The following NLRC5 variants were observed in gnomAD, a reference collection of about 807,000 sequenced individuals.
NLRC5 encodes protein NLRC5.
Under a neutral mutation model 206.9 loss-of-function variants are expected in NLRC5, and 114 were observed. The ratio of observed to expected loss-of-function variants is 0.55; its 90% CI spans 0.47 to 0.64. The LOEUF (loss-of-function observed/expected upper bound fraction) is 0.64. Ranked by LOEUF, NLRC5 falls within the 30% of genes least tolerant of loss-of-function variation. The probability of loss-of-function intolerance (pLI) is 0.00; values close to 1 mark genes in which losing one functional copy is unlikely to be tolerated. For synonymous variants in NLRC5, 952 were observed against 962.8 expected, an observed-to-expected ratio of 0.99 and a Z score of 0.21; for missense variants, 2,008 against 2,305.5, an observed-to-expected ratio of 0.87 and a Z score of 2.64.
At chr16:57,075,251 C>T (rs1386572682) in intron 39 of NLRC5, among the ~76,000 whole-genome samples, 2 of 151,958 alleles carry the variant, frequency 1.3e-5, no homozygotes, top group African/African-American at 4.8e-5. Flanking sequence ...CAGAGTTTCG[C>T]TCTTGTTGCC....
At chr16:57,078,953 G>A (rs8056429) in intron 43 of NLRC5, 97 bp from the exon 44 acceptor site, 64,079 of 1,092,652 alleles carry the variant, frequency 0.059, 2,945 homozygotes, top group East Asian at 0.21. Context: ...GCCAGAGACT[G>A]TCTACGGGCT....
intron 19 of NLRC5, among the ~76,000 whole-genome samples, chr16:57,042,799 A>G (rs1345113037): frequency 6.6e-6 from 1 of 152,114 alleles, no homozygotes; most frequent in African/African-American, 2.4e-5. Flanking sequence ...GTTGGTGGCT[A>G]CGATCTCTGA....
chr16:57,010,622 C>A (rs184205450), intron 1 of NLRC5, among the ~76,000 whole-genome samples: 120 of 152,334 alleles, frequency 7.9e-4, no homozygotes, highest in African/African-American at 2.8e-3. Flanking sequence ...ATCCTCCCAC[C>A]TCGGCCTCCC....
intron 20 of NLRC5, 66 bp downstream of exon 20, chr16:57,043,670 G>A (rs1377489425): frequency 1.8e-5 from 23 of 1,295,956 alleles, no homozygotes; most frequent in East Asian, 6.9e-5. Flanking sequence ...CTGCTCCCAC[G>A]TGGGCCCCTT....
chr16:57,016,277 T>G (rs9937672), intron 1 of NLRC5, among the ~76,000 whole-genome samples: 1,705 of 152,322 alleles, frequency 0.011, 27 homozygotes, highest in African/African-American at 0.039. Context: ...CCAGGACCTC[T>G]TCAAAAGATC....
At chr16:57,042,378 T>A (rs2063394997) in intron 19 of NLRC5, among the ~76,000 whole-genome samples, 1 of 151,868 alleles carries the variant, frequency 6.6e-6, no homozygotes, top group Non-Finnish European at 1.5e-5. Flanking sequence ...GGCTGGCAGT[T>A]GTTATTCTGG....
Position 57,026,748 on chromosome 16 carries a change from T to G in NLRC5, c.1805T>G (p.Leu602Trp), listed in dbSNP as rs1170337624. The part of the protein sequence containing the change: ...QAAVVQVLKK[L>W]ATRKLTGPKV... The stretch of plus-strand genomic sequence containing the variant: ...GCTGTAGTGCAGGTGTTGAAGAAGT[T>G]GGCCACCCGCAAGCTCACAGGGCCA... Residue 602 changes from leucine to tryptophan, a missense_variant, in exon 6 of 49, where the codon TTG (leucine) becomes TGG (tryptophan). Leu to Trp is a moderately conservative substitution (Grantham distance 61). Coordinates refer to ENST00000688547, the MANE Select transcript of NLRC5 (RefSeq NM_001384950.1). 6.2e-7 allele frequency: 1 copy of G among 1,613,878 alleles called. No homozygotes were observed. Among genetic ancestry groups the G allele is most frequent in the African/African-American group, 1.3e-5 (1 of 74,922 alleles).
At chr16:57,069,798 G>A (rs761342577) in intron 36 of NLRC5, 38 bp from the exon 37 acceptor site, 25 of 1,555,542 alleles carry the variant, frequency 1.6e-5, no homozygotes, top group South Asian at 9.3e-5. Context: ...GACCCAGGGC[G>A]GCTCCTGCCT....
intron 1 of NLRC5, among the ~76,000 whole-genome samples, chr16:56,996,948 C>T (rs140724657): frequency 1.3e-5 from 2 of 152,300 alleles, no homozygotes; most frequent in East Asian, 1.9e-4. Flanking sequence ...CAGCCCACTG[C>T]AGCCTCAACT....
At position 57,028,062 on chromosome 16, in the gene NLRC5, CT is replaced by C. The variant is rs779142925; in HGVS notation, c.2076-8del. 2.9e-5 allele frequency: 46 copies of C among 1,610,362 alleles called. No homozygotes were observed. The South Asian group carries it at 4.8e-4, about 17-fold the overall frequency. ...CTGATCCTCTGACACTTCGCTTCTTCTTATGGCAGCTTTAAGAGCAGGAAGT... is the reference window on the plus strand; with the variant it reads ...CTGATCCTCTGACACTTCGCTTCTTCTATGGCAGCTTTAAGAGCAGGAAGT... On this transcript the variant is annotated splice_polypyrimidine_tract_variant and intron_variant, in intron 6 of 48. Coordinates refer to ENST00000688547, the MANE Select transcript of NLRC5 (RefSeq NM_001384950.1).
At chr16:57,070,248 G>GGT (rs36048473) in intron 37 of NLRC5, among the ~76,000 whole-genome samples, 91,984 of 149,830 alleles carry the variant, frequency 0.61, 28,218 homozygotes, top group South Asian at 0.7. Context: ...AGAACAAGAG[G>GGT]GTGTGTGTGT....
chr16:57,069,879 G>A lies in NLRC5; in HGVS notation c.4543G>A (p.Ala1515Thr), dbSNP rs1267324243. 2 of 1,597,666 alleles carry A rather than the reference G, an allele frequency of 1.3e-6. No individual in the cohort carries two copies. Among genetic ancestry groups the A allele is most frequent in the Non-Finnish European group, 1.7e-6 (2 of 1,172,922 alleles). ...CVSTEGLAHLASGLGHCHHLE... is the reference protein window; with the variant it reads ...CVSTEGLAHLTSGLGHCHHLE... ...GAGCACCGAGGGCCTCGCCCACCTG[G>A]CATCTGGTCTGGGCCACTGCCACCA... The change falls in exon 37 of 49, where the codon GCA becomes ACA. Residue 1515 changes from alanine (A) to threonine (T), a missense_variant. Coordinates refer to ENST00000688547, the MANE Select transcript of NLRC5 (RefSeq NM_001384950.1).
intron 38 of NLRC5, among the ~76,000 whole-genome samples, chr16:57,073,745 C>A (rs2068044495): frequency 6.6e-6 from 1 of 152,202 alleles, no homozygotes; most frequent in Non-Finnish European, 1.5e-5. Flanking sequence ...AGGCACATGC[C>A]ACCAGGCCCA....
chr16:57,065,317 C>A lies in NLRC5; in HGVS notation c.4241+19C>A, dbSNP rs939018948. 2 of 1,514,150 alleles carry A rather than the reference C, an allele frequency of 1.3e-6. No homozygotes were observed. Among genetic ancestry groups the A allele is most frequent in the African/African-American group, 1.4e-5 (1 of 71,352 alleles). 93.8% of individuals were successfully genotyped at this position (1,514,150 alleles called of 1,614,324 possible). A position where few individuals can be genotyped will look rare whatever the true frequency, so the allele number is the denominator to read the frequency against. Reference sequence around the variant, plus strand: ...AAATCAGGTGAGTCCAGAGAAGAGGCCCCTTTGGAATTCTTCATCTTTCAT... The same window carrying A: ...AAATCAGGTGAGTCCAGAGAAGAGGACCCTTTGGAATTCTTCATCTTTCAT... On this transcript the variant is annotated intron_variant, in intron 33 of 48. Transcript: ENST00000688547.
At position 57,029,994 on chromosome 16, in the gene NLRC5, G is replaced by C; in HGVS notation, c.2328-1G>C. The C allele has an allele frequency of 3.1e-6, 5 of 1,614,188 alleles. No individual in the cohort carries two copies. Among genetic ancestry groups the C allele is most frequent in the Non-Finnish European group, 4.2e-6 (5 of 1,180,012 alleles). On this transcript the variant is annotated splice_acceptor_variant, in intron 9 of 48. Coordinates refer to ENST00000688547, the MANE Select transcript of NLRC5 (RefSeq NM_001384950.1). LOFTEE classifies it high-confidence loss of function. ...CTGACACCTTTGCCACAATCTTGCA[G>C]CCTGAGCAGCAACAGCATCTGCGTG...
chr16:57,013,201 A>C, intron 1 of NLRC5: 1 of 434,134 alleles, frequency 2.3e-6, no homozygotes. Context: ...TAACTTCATT[A>C]AAGGTTGCGA....
Position 57,026,681 on chromosome 16 carries a change from C to G in NLRC5, c.1738C>G (p.Leu580Val). The part of the protein sequence containing the change: ...SCTCRPFLSH[L>V]AQGNEDCVGA... ...CACCTGCCGCCCCTTCCTTAGCCAC[C>G]TGGCGCAGGGCAATGAGGACTGTGT... The change falls in exon 6 of 49, where the codon CTG becomes GTG. Residue 580 changes from leucine to valine, a missense_variant. Leu to Val is a conservative substitution (Grantham distance 32). Coordinates refer to ENST00000688547, the MANE Select transcript of NLRC5 (RefSeq NM_001384950.1). The G allele has an allele frequency of 6.2e-7, 1 of 1,614,140 alleles. No homozygotes were observed. The highest frequency in any genetic ancestry group is 8.5e-7 in the Non-Finnish European group (1 of 1,179,976).
At chr16:57,060,912 A>G (rs1372503492) in intron 30 of NLRC5, among the ~76,000 whole-genome samples, 1 of 152,186 alleles carries the variant, frequency 6.6e-6, no homozygotes, top group East Asian at 1.9e-4. Flanking sequence ...CTGGCCACCC[A>G]GGGCTGAGAT....
intron 8 of NLRC5, 138 bp downstream of exon 8, chr16:57,028,523 C>A (rs2061477611): frequency 1.5e-6 from 1 of 682,980 alleles, no homozygotes; most frequent in Non-Finnish European, 2.5e-6. Flanking sequence ...AGGCATCAGT[C>A]CAAGTACTCA....
Sources: allele counts gnomAD v4.1 joint callset (sites outside exome capture counted in the v4.1 genomes callset), GRCh38; gene constraint gnomAD v4.1.1; transcripts MANE v1.5; gene names NCBI Gene and HGNC (gene_info 2026-07-23, HGNC 2026-07-21).